The following SIGLEC8 variants were observed in gnomAD, a reference collection of about 807,000 sequenced individuals.
The protein encoded by SIGLEC8 is sialic acid-binding Ig-like lectin 8.
A neutral mutation model predicts 42.1 loss-of-function variants in SIGLEC8; 32 were observed. The observed-to-expected ratio is 0.76, with a 90% confidence interval of 0.57 to 1.02. The LOEUF (loss-of-function observed/expected upper bound fraction) is 1.02, where lower values mean the gene tolerates loss of function less well. Among genes scored for constraint, SIGLEC8 ranks in the 50% least tolerant of loss-of-function variants. SIGLEC8 has a pLI of 0.00. For synonymous variants in SIGLEC8, 262 were observed against 260.3 expected (o/e 1.01, Z -0.06); for missense variants, 611 against 610.2 (o/e 1.00, Z -0.01).
At position 51,457,446 on chromosome 19, in the gene SIGLEC8, T is replaced by G. The variant is rs771327568; in HGVS notation, c.733+15A>C. ...CAACCCATGAGGGACCTGGGCATCT[T>G]GGTCCAGCACTCACAGGACACATCG... On this transcript the variant is annotated intron_variant, in intron 2 of 6. Coordinates refer to ENST00000321424, the MANE Select transcript of SIGLEC8 (RefSeq NM_014442.3). 1 of 1,613,308 alleles carries G rather than the reference T, an allele frequency of 6.2e-7. No homozygotes were observed. The highest frequency in any genetic ancestry group is 2.2e-5 in the East Asian group (1 of 44,864).
Position 51,454,768 on chromosome 19 carries a change from G to T in SIGLEC8, c.1064C>A (p.Pro355His). The change falls in exon 5 of 7, where the codon CCT (proline) becomes CAT (histidine). Residue 355 changes from proline (P) to histidine (H), a missense_variant. Transcript: ENST00000321424. The surrounding 1 kb of genome is among the most constrained non-coding windows in gnomAD (Gnocchi z 4.7). ...TGCTGCCAGTGTCACTTGTGATACA[G>T]GTCTTGAGGTGCCTGCAGATGGATT... is the stretch of plus-strand genomic sequence containing the variant. ...LQNEGTGTSR[P>H]VSQVTLAAVG... The T allele has an allele frequency of 1.2e-6, 2 of 1,613,630 alleles. No homozygotes were observed. Among genetic ancestry groups the T allele is most frequent in the Non-Finnish European group, 1.7e-6 (2 of 1,179,696 alleles).
At chr19:51,455,198 C>T (rs36493) in intron 4 of SIGLEC8, among the ~76,000 whole-genome samples, 36,862 of 151,994 alleles carry the variant, frequency 0.24, 5,100 homozygotes, top group East Asian at 0.45. Context: ...CCTGGCCGGG[C>T]CCCAGCTCCT....
rs1426825958 is a variant in SIGLEC8, at chr19:51,452,281, G to C, written c.*98C>G. On this transcript the variant is annotated 3_prime_UTR_variant, in exon 7 of 7. Transcript: ENST00000321424. ...GATGGGTCCCTGGTAGCCGGGGAAA[G>C]GGGAGACATTGGTCCAAGTTTTGGT... 1 of 1,039,460 alleles carries C rather than the reference G, an allele frequency of 9.6e-7. No homozygotes were observed. Among genetic ancestry groups the C allele is most frequent in the Non-Finnish European group, 1.4e-6 (1 of 714,860 alleles). 64.4% of individuals were successfully genotyped at this position (1,039,460 alleles called of 1,614,324 possible).
rs923837100 is a variant in SIGLEC8 at position 51,453,853 on chromosome 19, C to A, written c.1245+366G>T. ...AGTGGCGTAAGGATGACAAGCCGGTCAAAGAAATCAGGTCCCGCCAATAGG... is the reference window on the plus strand; with the variant it reads ...AGTGGCGTAAGGATGACAAGCCGGTAAAAGAAATCAGGTCCCGCCAATAGG... On this transcript the variant is annotated intron_variant, in intron 6 of 6. Transcript: ENST00000321424. 6.1e-6 allele frequency: 6 copies of A among 984,628 alleles called. No individual in the cohort carries two copies. The African/African-American group carries it at 1.1e-4, about 17-fold the overall frequency. 61.0% of individuals were successfully genotyped at this position (984,628 alleles called of 1,614,324 possible).
rs112981557 is a variant in SIGLEC8 at position 51,454,192 on chromosome 19, C to G, written c.1245+27G>C. 8.1e-5 allele frequency: 130 copies of G among 1,613,618 alleles called. 1 individual carries two copies. Among genetic ancestry groups the G allele is most frequent in the Middle Eastern group, 5.0e-4 (3 of 6,052 alleles). ...GTCAGAGGTGTCCAGGCTGGATGCT[C>G]GGTGTGGAGAAGCCCACATCACTCA... On this transcript the variant is annotated intron_variant, in intron 6 of 6. Transcript: ENST00000321424. This position sits in a 1 kb window ranked among gnomAD's most constrained non-coding sequence, Gnocchi z 4.7.
In SIGLEC8 at chr19:51,457,667, G is replaced by A; in HGVS notation, c.527C>T (p.Ser176Phe). Reference sequence around the variant, plus strand: ...CCCCTGCTTACAGGCCCAGGGCACAGAGCAGGTCAGGTTCCTGGAGTGGCC... The same window carrying A: ...CCCCTGCTTACAGGCCCAGGGCACAAAGCAGGTCAGGTTCCTGGAGTGGCC... ...ESGHSRNLTCSVPWACKQGTP... is the reference protein window; with the variant it reads ...ESGHSRNLTCFVPWACKQGTP... Residue 176 changes from serine (S) to phenylalanine (F), a missense_variant, in exon 2 of 7, where the codon TCT (serine) becomes TTT (phenylalanine). Transcript: ENST00000321424. 6.2e-7 allele frequency: 1 copy of A among 1,610,362 alleles called. No homozygotes were observed. Among genetic ancestry groups the A allele is most frequent in the Non-Finnish European group, 8.5e-7 (1 of 1,178,074 alleles).
In SIGLEC8 at chr19:51,458,422, C is replaced by T. The variant is rs745411633; in HGVS notation, c.-35G>A. 1.9e-5 allele frequency: 30 copies of T among 1,592,892 alleles called. No homozygotes were observed. The East Asian group carries it at 2.9e-4, about 15-fold the overall frequency. ...TGAAGGCGCCAGGGCCGCCAGGGAACGTCTGTTCCTCAGGGTTCTTCTCTC... is the reference window on the plus strand; with the variant it reads ...TGAAGGCGCCAGGGCCGCCAGGGAATGTCTGTTCCTCAGGGTTCTTCTCTC... On this transcript the variant is annotated 5_prime_UTR_variant, in exon 1 of 7. Transcript: ENST00000321424.
chr19:51,452,261 G>T lies in SIGLEC8; in HGVS notation c.*118C>A, dbSNP rs1989380846. On this transcript the variant is annotated 3_prime_UTR_variant, in exon 7 of 7. Coordinates refer to ENST00000321424, the MANE Select transcript of SIGLEC8 (RefSeq NM_014442.3). ...TAGTAGAAGCTAGAGGCAGGGATGGGTCCCTGGTAGCCGGGGAAAGGGGAG... is the reference window on the plus strand; with the variant it reads ...TAGTAGAAGCTAGAGGCAGGGATGGTTCCCTGGTAGCCGGGGAAAGGGGAG... The T allele has an allele frequency of 1.2e-6, 1 of 809,576 alleles. No individual in the cohort carries two copies. The highest frequency in any genetic ancestry group is 2.7e-5 in the Admixed American group (1 of 37,428). The allele number at this position is 809,576 out of a possible 1,614,324, so 50.1% of individuals were successfully genotyped here. A position where few individuals can be genotyped will look rare whatever the true frequency, so the allele number is the denominator to read the frequency against.
rs978158221 is a variant in SIGLEC8, at chr19:51,452,341, A to G, written c.*38T>C. On this transcript the variant is annotated 3_prime_UTR_variant, in exon 7 of 7. Transcript: ENST00000321424. ...GGAGGGAGCCCTGGTGACCTACTGC[A>G]TAGCATGGGGCTCTAGAGGGTTCTT... is the stretch of plus-strand genomic sequence containing the variant. The G allele has an allele frequency of 2.0e-6, 3 of 1,535,478 alleles. No homozygotes were observed. Among genetic ancestry groups the G allele is most frequent in the African/African-American group, 2.7e-5 (2 of 73,142 alleles).
rs369570754 is a variant in SIGLEC8 at position 51,454,651 on chromosome 19, G to A, written c.1148+33C>T. The A allele has an allele frequency of 3.2e-6, 5 of 1,545,810 alleles. No homozygotes were observed. The African/African-American group carries it at 6.8e-5, about 21-fold the overall frequency. On this transcript the variant is annotated intron_variant, in intron 5 of 6. Transcript: ENST00000321424. The surrounding 1 kb of genome is among the most constrained non-coding windows in gnomAD (Gnocchi z 4.7). ...CTGTTCCCGGTCTGCCCTGCCCCAG[G>A]TCTCTCTCTCCCTCCCCAGGGTCAA...
rs772905730 is a variant in SIGLEC8, at chr19:51,455,614, G to A, written c.855C>T (p.Val285=). Residue 285 remains valine (V), a synonymous_variant, in exon 4 of 7, where the codon GTC becomes GTT. Transcript: ENST00000321424. Reference sequence around the variant, plus strand: ...TCAGCCTGGCAGGGGGATTGCTGTTGACAGCACAGACCAGGCGCAGAGACT... The same window carrying A: ...TCAGCCTGGCAGGGGGATTGCTGTTAACAGCACAGACCAGGCGCAGAGACT... ...EGQSLRLVCA[V]NSNPPARLSW... 56 of 1,614,040 alleles carry A rather than the reference G, an allele frequency of 3.5e-5. No homozygotes were observed. Among genetic ancestry groups the A allele is most frequent in the Admixed American group, 6.7e-5 (4 of 60,010 alleles).
At position 51,452,355 on chromosome 19, in the gene SIGLEC8, T is replaced by C. The variant is rs1243853802; in HGVS notation, c.*24A>G. The C allele has an allele frequency of 6.3e-7, 1 of 1,578,692 alleles. No individual in the cohort carries two copies. Among genetic ancestry groups the C allele is most frequent in the Non-Finnish European group, 8.7e-7 (1 of 1,152,752 alleles). ...TGACCTACTGCATAGCATGGGGCTC[T>C]AGAGGGTTCTTGTTCTATGAGAATC... is the stretch of plus-strand genomic sequence containing the variant. On this transcript the variant is annotated 3_prime_UTR_variant, in exon 7 of 7. Transcript: ENST00000321424.
In SIGLEC8 at chr19:51,455,539, A is replaced by C. The variant is rs1232705149; in HGVS notation, c.930T>G (p.Pro310=). The C allele has an allele frequency of 1.9e-6, 3 of 1,613,974 alleles. No homozygotes were observed. The highest frequency in any genetic ancestry group is 1.7e-6 in the Non-Finnish European group (2 of 1,180,006). Residue 310 remains proline (P), a synonymous_variant, in exon 4 of 7, where the codon CCT becomes CCG. Transcript: ENST00000321424. ...GCACTCGAGGCAGCTCCAGCAGCCC[A>C]GGGTTTGAGGACCGTGAGGGGCACA... ...LTLCPSRSSN[P]GLLELPRVHV...
At chr19:51,453,085 T>C (rs1385214019) in intron 6 of SIGLEC8, among the ~76,000 whole-genome samples, 2 of 150,414 alleles carry the variant, frequency 1.3e-5, no homozygotes, top group African/African-American at 4.9e-5. Flanking sequence ...TTTGTTTTGT[T>C]TTGTTTTTTG....
Position 51,452,224 on chromosome 19 carries a change from G to A in SIGLEC8, c.*155C>T. 1.8e-6 allele frequency: 1 copy of A among 563,458 alleles called. No individual in the cohort carries two copies. The highest frequency in any genetic ancestry group is 3.1e-6 in the Non-Finnish European group (1 of 318,794). The allele number at this position is 563,458 out of a possible 1,614,324, so 34.9% of individuals were successfully genotyped here. A position where few individuals can be genotyped will look rare whatever the true frequency, so the allele number is the denominator to read the frequency against. On this transcript the variant is annotated 3_prime_UTR_variant, in exon 7 of 7. Coordinates refer to ENST00000321424, the MANE Select transcript of SIGLEC8 (RefSeq NM_014442.3). ...TAGTCAACCTCAGAGAGGTCGAGAG[G>A]AGAATGGTGGGTAGTAGAAGCTAGA...
In SIGLEC8 at chr19:51,451,380, T is replaced by C. The variant is rs1326820459; in HGVS notation, c.*999A>G. 6.6e-6 allele frequency: 1 copy of C among 152,180 alleles called. No homozygotes were observed. 9.4% of individuals were successfully genotyped at this position (152,180 alleles called of 1,614,324 possible). A position where few individuals can be genotyped will look rare whatever the true frequency, so the allele number is the denominator to read the frequency against. The stretch of plus-strand genomic sequence containing the variant: ...AAACAAAATAAGTACAGACCCGCCA[T>C]ACAGGTTGGGCAGGGGGTCCCGGCC... On this transcript the variant is annotated 3_prime_UTR_variant, in exon 7 of 7. Coordinates refer to ENST00000321424, the MANE Select transcript of SIGLEC8 (RefSeq NM_014442.3).
intron 3 of SIGLEC8, 46 bp downstream of exon 3, chr19:51,457,138 C>G: frequency 1.9e-6 from 3 of 1,548,084 alleles, no homozygotes; most frequent in Non-Finnish European, 2.7e-6. Flanking sequence ...CCATCCTGAG[C>G]TGAAGGCCCT....
Position 51,457,666 on chromosome 19 carries a change from A to G in SIGLEC8, c.528T>C (p.Ser176=). ...ESGHSRNLTC[S]VPWACKQGTP... ...TCCCCTGCTTACAGGCCCAGGGCAC[A>G]GAGCAGGTCAGGTTCCTGGAGTGGC... The change falls in exon 2 of 7, where the codon TCT becomes TCC. Residue 176 remains serine, a synonymous_variant. Transcript: ENST00000321424. The G allele has an allele frequency of 1.2e-6, 2 of 1,610,322 alleles. No individual in the cohort carries two copies. Among genetic ancestry groups the G allele is most frequent in the Non-Finnish European group, 1.7e-6 (2 of 1,178,036 alleles).
chr19:51,455,574 TC>T lies in SIGLEC8; in HGVS notation c.894del (p.Ser299AlafsTer2). The T allele has an allele frequency of 3.7e-6, 6 of 1,613,660 alleles. No homozygotes were observed. The highest frequency in any genetic ancestry group is 1.7e-4 in the Middle Eastern group (1 of 6,058). On this transcript the variant is annotated frameshift_variant, in exon 4 of 7. Coordinates refer to ENST00000321424, the MANE Select transcript of SIGLEC8 (RefSeq NM_014442.3). LOFTEE classifies it high-confidence loss of function. ...NPPARLSWTR[G>X]SLTLCPSRSS... ...GACCGTGAGGGGCACAGGGTCAGGC[TC>T]CCCCGGGTCCAGCTCAGCCTGGCAG...
Sources: allele counts gnomAD v4.1 joint callset (sites outside exome capture counted in the v4.1 genomes callset), GRCh38; gene constraint gnomAD v4.1.1; non-coding constraint Gnocchi (gnomAD v3.1); transcripts MANE v1.5; gene names NCBI Gene and HGNC (gene_info 2026-07-23, HGNC 2026-07-21).